Variants in CHD8 observed in about 807,000 individuals in gnomAD.
The protein encoded by CHD8 is chromodomain helicase DNA binding protein 8.
CHD8 carries 31 observed loss-of-function variants against 279.2 expected under a neutral mutation model. The observed-to-expected ratio is 0.11, with a 90% CI of 0.08 to 0.15. CHD8 has a LOEUF of 0.15. Ranked by LOEUF, CHD8 falls within the 10% of genes least tolerant of loss-of-function variation. The pLI is 1.00. For synonymous variants in CHD8, 1,081 were observed against 1,139.6 expected, an observed-to-expected ratio of 0.95 and a Z score of 1.04; for missense variants, 2,146 against 3,230.5, an observed-to-expected ratio of 0.66 and a Z score of 8.14.
intron 5 of CHD8, among the ~76,000 whole-genome samples, chr14:21,422,837 G>A (rs1889109497): frequency 6.6e-6 from 1 of 152,178 alleles, no homozygotes; most frequent in Non-Finnish European, 1.5e-5. Context: ...GCTGAGGTAG[G>A]AAAATTGCTC....
chr14:21,392,884 G>T, intron 33 of CHD8, 75 bp from the exon 34 acceptor site: 2 of 1,432,682 alleles, frequency 1.4e-6, no homozygotes, highest in Non-Finnish European at 1.9e-6. Flanking sequence ...ACTCAATAGT[G>T]CCATCACTAC....
At position 21,405,901 on chromosome 14, in the gene CHD8, A is replaced by C; in HGVS notation, c.2908-37T>G. The C allele has an allele frequency of 6.4e-7, 1 of 1,567,322 alleles. No homozygotes were observed. Among genetic ancestry groups the C allele is most frequent in the Non-Finnish European group, 8.7e-7 (1 of 1,150,584 alleles). Reference sequence around the variant, plus strand: ...GGAAACAAAAGAATAAAATTTAAAAACATGAAGGACTTCTGGGGTTTCCTA... The same window carrying C: ...GGAAACAAAAGAATAAAATTTAAAACCATGAAGGACTTCTGGGGTTTCCTA... On this transcript the variant is annotated intron_variant, in intron 14 of 37. Transcript: ENST00000646647. This position sits in a 1 kb window ranked among gnomAD's most constrained non-coding sequence, Gnocchi z 4.2.
rs763770830 is a variant in CHD8 at position 21,405,482 on chromosome 14, G to C, written c.3052-18C>G. On this transcript the variant is annotated intron_variant, in intron 15 of 37. Coordinates refer to ENST00000646647, the MANE Select transcript of CHD8 (RefSeq NM_001170629.2). The surrounding 1 kb of genome is among the most constrained non-coding windows in gnomAD (Gnocchi z 4.2). ...TTTTGAACCTGTGGTCCATTACAGA[G>C]AGAAAAATAAATCAATAAGATGAGG... is the stretch of plus-strand genomic sequence containing the variant. 7 of 1,594,238 alleles carry C rather than the reference G, an allele frequency of 4.4e-6. No homozygotes were observed. Among genetic ancestry groups the C allele is most frequent in the Admixed American group, 3.6e-5 (2 of 55,884 alleles).
chr14:21,394,893 G>A lies in CHD8; in HGVS notation c.5390+19C>T. On this transcript the variant is annotated intron_variant, in intron 30 of 37. Transcript: ENST00000646647. Reference sequence around the variant, plus strand: ...TAACTGAAAACACAGATCAGCACAAGTTCCCAGCTATATTTTACCGTTGTT... The same window carrying A: ...TAACTGAAAACACAGATCAGCACAAATTCCCAGCTATATTTTACCGTTGTT... 1.9e-6 allele frequency: 3 copies of A among 1,611,522 alleles called. No homozygotes were observed. Among genetic ancestry groups the A allele is most frequent in the Non-Finnish European group, 2.5e-6 (3 of 1,177,838 alleles).
At chr14:21,417,448 G>C (rs572909769) in intron 5 of CHD8, among the ~76,000 whole-genome samples, 1 of 152,266 alleles carries the variant, frequency 6.6e-6, no homozygotes, top group African/African-American at 2.4e-5. Flanking sequence ...GGGTGCAGTG[G>C]CTCACACCTG....
chr14:21,440,591 G>T (rs1889931796), intron 1 of CHD8, among the ~76,000 whole-genome samples: 1 of 152,176 alleles, frequency 6.6e-6, no homozygotes, highest in African/African-American at 2.4e-5. Flanking sequence ...TCAGGCAGCA[G>T]GGACAGGAAG....
intron 26 of CHD8, 178 bp from the exon 27 acceptor site, chr14:21,398,130 T>A: frequency 6.1e-6 from 3 of 492,842 alleles, no homozygotes; most frequent in Non-Finnish European, 6.7e-6. Flanking sequence ...TTTATAGCAA[T>A]TTAGAATCAT....
chr14:21,391,591 T>A lies in CHD8; in HGVS notation c.6937A>T (p.Thr2313Ser). ...ACCTTATTGATGACAGGGATCCGGG[T>A]CTCCAGGTCCACATCAAGGTGATTA... ...EPNHLDVDLETRIPVINKVDG... is the reference protein window; with the variant it reads ...EPNHLDVDLESRIPVINKVDG... The change falls in exon 36 of 38, where the codon ACC becomes TCC. Residue 2313 changes from threonine (T) to serine (S), a missense_variant. Physicochemically the swap from Thr to Ser is moderately conservative, Grantham distance 58 (BLOSUM62 1). Transcript: ENST00000646647. 6.2e-7 allele frequency: 1 copy of A among 1,611,570 alleles called. No individual in the cohort carries two copies. Among genetic ancestry groups the A allele is most frequent in the African/African-American group, 1.3e-5 (1 of 74,770 alleles).
At chr14:21,445,744 G>C (rs1366934623) in intron 1 of CHD8, among the ~76,000 whole-genome samples, 2 of 141,234 alleles carry the variant, frequency 1.4e-5, no homozygotes, top group Non-Finnish European at 3.0e-5. Flanking sequence ...GCTAACACCT[G>C]TAATCTCAGC....
In CHD8 at chr14:21,415,506, AAAATAAAT is replaced by A. The variant is rs34695967; in HGVS notation, c.1968+60_1968+67del. The A allele has an allele frequency of 5.3e-3, 4,304 of 807,872 alleles. 113 individuals are homozygous for A. In the African/African-American group the frequency reaches 0.065, roughly 12 times the overall value. 50.0% of individuals were successfully genotyped at this position (807,872 alleles called of 1,614,324 possible). ...GGTAACACAGTTAGACTCTATTTCA[AAAATAAAT>A]AAATAAATAAATAAATAAATAAATA... is the stretch of plus-strand genomic sequence containing the variant. On this transcript the variant is annotated intron_variant, in intron 7 of 37. Coordinates refer to ENST00000646647, the MANE Select transcript of CHD8 (RefSeq NM_001170629.2).
chr14:21,424,345 C>T (rs1353914132), intron 5 of CHD8, among the ~76,000 whole-genome samples: 1 of 152,152 alleles, frequency 6.6e-6, no homozygotes, highest in East Asian at 1.9e-4. Context: ...CTAAGCTCTA[C>T]TGTGTTTTAT....
chr14:21,448,645 C>T (rs914189627), intron 1 of CHD8, among the ~76,000 whole-genome samples: 2 of 152,042 alleles, frequency 1.3e-5, no homozygotes, highest in Admixed American at 1.3e-4. Flanking sequence ...AAAGCTCCGC[C>T]TCCCAGATTC....
At chr14:21,393,064 A>G (rs750599927) in intron 33 of CHD8, 42 bp downstream of exon 33, 4 of 1,599,298 alleles carry the variant, frequency 2.5e-6, no homozygotes, top group Non-Finnish European at 3.4e-6. Flanking sequence ...GTTACACTGT[A>G]TTTCTGGACT....
chr14:21,453,412 C>T (rs1244361363), intron 1 of CHD8, among the ~76,000 whole-genome samples: 3 of 151,784 alleles, frequency 2.0e-5, no homozygotes, highest in Non-Finnish European at 4.4e-5. Flanking sequence ...GAAAAGATCA[C>T]CAACTTGGTG....
At position 21,428,953 on chromosome 14, in the gene CHD8, A is replaced by G; in HGVS notation, c.1215+11T>C. The G allele has an allele frequency of 6.2e-7, 1 of 1,613,744 alleles. No homozygotes were observed. Among genetic ancestry groups the G allele is most frequent in the Non-Finnish European group, 8.5e-7 (1 of 1,179,752 alleles). ...GTTTTCTTTCTTTTCCTTACTATGT[A>G]AGTCTCTCACCTGTGGCTGCAGTAC... On this transcript the variant is annotated intron_variant, in intron 3 of 37. Transcript: ENST00000646647.
intron 5 of CHD8, among the ~76,000 whole-genome samples, chr14:21,420,206 C>G (rs1703561447): frequency 6.6e-6 from 1 of 152,194 alleles, no homozygotes; most frequent in African/African-American, 2.4e-5. Context: ...GGGTGTGACC[C>G]CTGCCAGCAC....
At chr14:21,410,032 T>C in intron 10 of CHD8, 44 bp from the exon 11 acceptor site, 1 of 1,552,634 alleles carries the variant, frequency 6.4e-7, no homozygotes. Flanking sequence ...GATTCTGTGT[T>C]CTCTGCTCCA....
At chr14:21,434,039 CTTTTTTTT>C (rs57822562) in intron 1 of CHD8, among the ~76,000 whole-genome samples, 11 of 115,880 alleles carry the variant, frequency 9.5e-5, no homozygotes, top group Admixed American at 4.4e-4. Context: ...GTGAAAGTTT[CTTTTTTTT>C]TTTTTTTTTT....
intron 1 of CHD8, among the ~76,000 whole-genome samples, chr14:21,435,753 C>T (rs1251431882): frequency 6.6e-6 from 1 of 152,170 alleles, no homozygotes; most frequent in Non-Finnish European, 1.5e-5. Context: ...AAAACTACAT[C>T]TCATTGTTTA....
Sources: gnomAD v4.1 joint callset for allele counts (sites outside exome capture counted in the v4.1 genomes callset) on GRCh38, gnomAD v4.1.1 for gene constraint, Gnocchi (gnomAD v3.1) non-coding constraint, MANE v1.5 for transcripts, NCBI Gene and HGNC (gene_info 2026-07-23, HGNC 2026-07-21) for gene names.